The following FRRS1 variants were observed in gnomAD, a reference collection of about 807,000 sequenced individuals.
The protein encoded by FRRS1 is ferric chelate reductase 1, also known as ferric reductase 1.
A neutral mutation model predicts 70.7 loss-of-function variants in FRRS1; 51 were observed. The observed-to-expected ratio is 0.72, with a 90% confidence interval of 0.58 to 0.91. The LOEUF (loss-of-function observed/expected upper bound fraction) is 0.91. FRRS1 is among the 40% of genes least tolerant of loss of function. The pLI, the probability that FRRS1 is intolerant of heterozygous loss-of-function variation, is 0.00. For synonymous variants in FRRS1, 225 were observed against 238.7 expected (o/e 0.94, Z 0.53); for missense variants, 672 against 726.0 (o/e 0.93, Z 0.86).
chr1:99,714,668 G>A (rs1407746533), intron 12 of FRRS1, among the ~76,000 whole-genome samples: 1 of 152,164 alleles, frequency 6.6e-6, no homozygotes, highest in Non-Finnish European at 1.5e-5. Context: ...ATACTTTACA[G>A]GTAGAGCCAG....
chr1:99,754,791 T>C (rs1656752083), intron 1 of FRRS1, among the ~76,000 whole-genome samples: 1 of 152,162 alleles, frequency 6.6e-6, no homozygotes, highest in South Asian at 2.1e-4. Context: ...CATATATAGT[T>C]ACGTAAACAA....
At chr1:99,726,896 T>G (rs933338282) in intron 9 of FRRS1, among the ~76,000 whole-genome samples, 1 of 152,188 alleles carries the variant, frequency 6.6e-6, no homozygotes, top group Non-Finnish European at 1.5e-5. Context: ...TGTTGTTGTT[T>G]TTTTTGAATA....
At chr1:99,759,475 G>A (rs1657014634) in intron 1 of FRRS1, among the ~76,000 whole-genome samples, 1 of 152,158 alleles carries the variant, frequency 6.6e-6, no homozygotes, top group Non-Finnish European at 1.5e-5. Context: ...CAAACCTGGT[G>A]GGCTTAGCAT....
chr1:99,719,719 C>G, intron 9 of FRRS1, 72 bp from the exon 10 acceptor site: 1 of 837,454 alleles, frequency 1.2e-6, no homozygotes, highest in Non-Finnish European at 2.0e-6. Context: ...AATTGAGATA[C>G]GGGCAGGGCA....
intron 1 of FRRS1, among the ~76,000 whole-genome samples, chr1:99,749,356 G>C (rs1656459788): frequency 6.6e-6 from 1 of 152,086 alleles, no homozygotes; most frequent in Non-Finnish European, 1.5e-5. Flanking sequence ...TGAAAATATA[G>C]CTCAAAATCT....
chr1:99,755,412 G>C (rs1656783403), intron 1 of FRRS1, among the ~76,000 whole-genome samples: 1 of 151,990 alleles, frequency 6.6e-6, no homozygotes, highest in African/African-American at 2.4e-5. Context: ...GGGGTCGGAG[G>C]GGGAGAGAGA....
Position 99,740,843 on chromosome 1 carries a change from T to C in FRRS1, c.526A>G (p.Thr176Ala), listed in dbSNP as rs1282508985. 6.2e-7 allele frequency: 1 copy of C among 1,612,766 alleles called. No homozygotes were observed. Among genetic ancestry groups the C allele is most frequent in the Admixed American group, 1.7e-5 (1 of 60,020 alleles). ...GGTAACGTTGGCAAAGGTACTACTG[T>C]AGCTTTAGGTGTTGTAAAAGGAAAT... ...NAFPFTTPKA[T>A]VVPLPTLPPV... Residue 176 changes from threonine to alanine, a missense_variant, in exon 6 of 17, where the codon ACA becomes GCA. Thr to Ala is a moderately conservative substitution (Grantham distance 58). Coordinates refer to ENST00000646001, the MANE Select transcript of FRRS1 (RefSeq NM_001361041.2).
intron 7 of FRRS1, among the ~76,000 whole-genome samples, chr1:99,737,515 C>T (rs1655731091): frequency 6.6e-6 from 1 of 152,170 alleles, no homozygotes; most frequent in African/African-American, 2.4e-5. Context: ...CCTGCTTTAT[C>T]GCAAAGAGAC....
chr1:99,709,058 G>C lies in FRRS1; in HGVS notation c.1749C>G (p.Ile583Met), dbSNP rs368115873. Residue 583 changes from isoleucine (I) to methionine (M), a missense_variant, in exon 17 of 17, where the codon ATC becomes ATG. Transcript: ENST00000646001. ...IYVCGNVTFLIIFLSAINHL is the reference protein window; with the variant it reads ...IYVCGNVTFLMIFLSAINHL ...GATGGTTGATTGCAGATAAAAATAT[G>C]ATGAGAAAAGTAACATTCCCACAGA... is the stretch of plus-strand genomic sequence containing the variant. The C allele has an allele frequency of 3.7e-6, 6 of 1,613,756 alleles. No homozygotes were observed. Among genetic ancestry groups the C allele is most frequent in the South Asian group, 1.1e-5 (1 of 91,056 alleles).
chr1:99,729,904 G>A (rs1488240669), intron 7 of FRRS1, among the ~76,000 whole-genome samples, 156 bp from the exon 8 acceptor site: 1 of 152,156 alleles, frequency 6.6e-6, no homozygotes, highest in Non-Finnish European at 1.5e-5. Context: ...CTAGAGAACT[G>A]GCTATCTGAT....
At position 99,708,662 on chromosome 1, in the gene FRRS1, ATC is replaced by A. The variant is rs1654132153; in HGVS notation, c.*364_*365del. ...TATATATATATATATATATATATATATCGTAATATATCTCTTTATTATCCTAG... is the reference window on the plus strand; with the variant it reads ...TATATATATATATATATATATATATAGTAATATATCTCTTTATTATCCTAG... On this transcript the variant is annotated 3_prime_UTR_variant, in exon 17 of 17. Coordinates refer to ENST00000646001, the MANE Select transcript of FRRS1 (RefSeq NM_001361041.2). 4 of 129,608 alleles carry A rather than the reference ATC, an allele frequency of 3.1e-5. No homozygotes were observed. Among genetic ancestry groups the A allele is most frequent in the South Asian group, 2.0e-4 (1 of 5,034 alleles). 8.0% of individuals were successfully genotyped at this position (129,608 alleles called of 1,614,324 possible).
At chr1:99,719,411 A>C in intron 10 of FRRS1, 123 bp downstream of exon 10, 1 of 517,166 alleles carries the variant, frequency 1.9e-6, no homozygotes, top group Non-Finnish European at 3.4e-6. Context: ...CCATCTCAAA[A>C]AAAAAAAAAA....
At chr1:99,734,192 G>A (rs1655535119) in intron 7 of FRRS1, among the ~76,000 whole-genome samples, 1 of 152,152 alleles carries the variant, frequency 6.6e-6, no homozygotes, top group Non-Finnish European at 1.5e-5. Context: ...ATTGGATCCT[G>A]AATAAGAAAT....
At chr1:99,748,373 T>C in intron 3 of FRRS1, 200 bp downstream of exon 3, 1 of 460,944 alleles carries the variant, frequency 2.2e-6, no homozygotes, top group Non-Finnish European at 3.8e-6. Flanking sequence ...TAAAAACTTA[T>C]TTTAAAGCCT....
At position 99,706,899 on chromosome 1, in the gene FRRS1, A is replaced by AC. The variant is rs1274510450; in HGVS notation, c.*2128_*2129insG. ...AGAGTGAGACTTTGTCACAAAAAAAAAAAAGAGAGAATTTTTCTTTGTCAG... is the reference window on the plus strand; with the variant it reads ...AGAGTGAGACTTTGTCACAAAAAAAACAAAAGAGAGAATTTTTCTTTGTCAG... On this transcript the variant is annotated 3_prime_UTR_variant, in exon 17 of 17. Transcript: ENST00000646001. 1.3e-5 allele frequency among the ~76,000 whole-genome samples: 2 copies of AC among 152,128 alleles called. No homozygotes were observed. The highest frequency in any genetic ancestry group is 4.8e-5 in the African/African-American group (2 of 41,380).
rs192828538 is a variant in FRRS1, at chr1:99,730,585, G to A, written c.760-837C>T. On this transcript the variant is annotated intron_variant, in intron 7 of 16. Transcript: ENST00000646001. Reference sequence around the variant, plus strand: ...AAAATTTTTTAAAAATCAGCCAAGCGGGCCGGGCGAGGTGGCTCACGCCTG... The same window carrying A: ...AAAATTTTTTAAAAATCAGCCAAGCAGGCCGGGCGAGGTGGCTCACGCCTG... Among the ~76,000 whole-genome samples the A allele has an allele frequency of 1.2e-4, 18 of 152,082 alleles. No individual in the cohort carries two copies. In the East Asian group the frequency reaches 2.5e-3, roughly 21 times the overall value.
At chr1:99,722,041 ACT>A (rs1413266210) in intron 9 of FRRS1, among the ~76,000 whole-genome samples, 8 of 151,408 alleles carry the variant, frequency 5.3e-5, no homozygotes, top group African/African-American at 1.9e-4. Context: ...ACAGGGTCTC[ACT>A]CTGTTGTCCA....
chr1:99,760,534 A>G (rs183241159), intron 1 of FRRS1, among the ~76,000 whole-genome samples: 43 of 152,388 alleles, frequency 2.8e-4, no homozygotes, highest in Middle Eastern at 3.4e-3. Context: ...ATTTTTTTAA[A>G]TTAACAATCA....
intron 7 of FRRS1, among the ~76,000 whole-genome samples, chr1:99,737,841 C>G (rs1034594554): frequency 3.3e-5 from 5 of 152,088 alleles, no homozygotes; most frequent in Non-Finnish European, 5.9e-5. Context: ...CTCCCAGGTT[C>G]AAGTGATTCT....
Sources: gnomAD v4.1 joint callset for allele counts (sites outside exome capture counted in the v4.1 genomes callset) on GRCh38, gnomAD v4.1.1 for gene constraint, MANE v1.5 for transcripts, NCBI Gene and HGNC (gene_info 2026-07-23, HGNC 2026-07-21) for gene names.